Variants in CNGB1 observed in about 807,000 individuals in gnomAD.
CNGB1 encodes cyclic nucleotide gated channel subunit beta 1, also known as cyclic nucleotide-gated channel beta-1.
CNGB1 carries 126 observed loss-of-function variants against 151.7 expected under a neutral mutation model. That is an observed-to-expected ratio of 0.83 (90% CI 0.72 to 0.96). CNGB1 has a LOEUF of 0.96. Among genes scored for constraint, CNGB1 ranks in the 40% least tolerant of loss-of-function variants. The probability of loss-of-function intolerance (pLI) is 0.00; values close to 1 mark genes in which losing one functional copy is unlikely to be tolerated. For synonymous variants in CNGB1, 623 were observed against 635.1 expected (o/e 0.98, Z 0.29); for missense variants, 1,698 against 1,627.0 (o/e 1.04, Z -0.75).
At chr16:57,904,084 G>C in intron 26 of CNGB1, 103 bp from the exon 27 acceptor site, 1 of 1,073,832 alleles carries the variant, frequency 9.3e-7, no homozygotes, top group Non-Finnish European at 1.4e-6. Flanking sequence ...CCACGGGCAT[G>C]TGCTCCTGGC....
At chr16:57,929,258 A>G (rs1047376025) in intron 17 of CNGB1, among the ~76,000 whole-genome samples, 2 of 152,200 alleles carry the variant, frequency 1.3e-5, no homozygotes, top group Non-Finnish European at 2.9e-5. Flanking sequence ...CGACATCACT[A>G]ATCGTTGGGT....
At position 57,915,237 on chromosome 16, in the gene CNGB1, C is replaced by A; in HGVS notation, c.2304+12G>T. ...AGCTGAAGGCCTGGGGTGGTGGGCC[C>A]AGCAGTCCTACCTTTAAACAGCGGG... On this transcript the variant is annotated intron_variant, in intron 23 of 32. Coordinates refer to ENST00000251102, the MANE Select transcript of CNGB1 (RefSeq NM_001297.5). 3 of 1,609,788 alleles carry A rather than the reference C, an allele frequency of 1.9e-6. No homozygotes were observed. The highest frequency in any genetic ancestry group is 2.5e-6 in the Non-Finnish European group (3 of 1,176,706).
intron 10 of CNGB1, 139 bp downstream of exon 10, chr16:57,959,749 C>T (rs1015865900): frequency 2.3e-4 from 253 of 1,080,746 alleles, no homozygotes; most frequent in Non-Finnish European, 3.0e-4. Context: ...GGGCACGAAG[C>T]TGATGTGGCT....
Position 57,901,553 on chromosome 16 carries a change from ATGT to A in CNGB1, c.2864_2866del (p.Asn955del). The A allele has an allele frequency of 6.2e-7, 1 of 1,614,082 alleles. No homozygotes were observed. The highest frequency in any genetic ancestry group is 8.5e-7 in the Non-Finnish European group (1 of 1,179,998). On this transcript the variant is annotated inframe_deletion, in exon 28 of 33. Coordinates refer to ENST00000251102, the MANE Select transcript of CNGB1 (RefSeq NM_001297.5). ...CTGAAAGAGTGCGACTTTGCTAACG[ATGT>A]TGTAGTTCACGTCGATGGCGAGGTC... is the stretch of plus-strand genomic sequence containing the variant.
At chr16:57,894,214 CA>C (rs761997580) in intron 31 of CNGB1, among the ~76,000 whole-genome samples, 1 of 152,190 alleles carries the variant, frequency 6.6e-6, no homozygotes, top group Non-Finnish European at 1.5e-5. Flanking sequence ...CACTGATAGA[CA>C]ATGATTTCCG....
intron 27 of CNGB1, 119 bp from the exon 28 acceptor site, chr16:57,901,744 C>T (rs1192126316): frequency 1.3e-5 from 10 of 792,100 alleles, no homozygotes; most frequent in Non-Finnish European, 2.2e-5. Context: ...CCGCATGGAA[C>T]CACTCTGGAT....
chr16:57,909,638 C>T (rs551450749), intron 25 of CNGB1, among the ~76,000 whole-genome samples: 44 of 152,296 alleles, frequency 2.9e-4, no homozygotes, highest in Admixed American at 6.5e-4. Flanking sequence ...ATCTGCCCAC[C>T]TTGGCCTCCC....
At chr16:57,912,238 C>A (rs1486013884) in intron 24 of CNGB1, among the ~76,000 whole-genome samples, 2 of 152,168 alleles carry the variant, frequency 1.3e-5, no homozygotes, top group Non-Finnish European at 2.9e-5. Context: ...CCTGGCTGGT[C>A]TTGCACCTCA....
intron 2 of CNGB1, 131 bp downstream of exon 2, chr16:57,966,997 C>T: frequency 3.1e-6 from 4 of 1,296,862 alleles, no homozygotes; most frequent in Non-Finnish European, 4.3e-6. Flanking sequence ...GTGTGGGACC[C>T]TGTGACCCCC....
Position 57,916,149 on chromosome 16 carries a change from G to A in CNGB1, c.2197C>T (p.Leu733=), listed in dbSNP as rs370180993. ...CACACCTTGAAGCGGCGAGACTTCA[G>A]GTAGTTATTTCGCATGTCCTTTTTG... ...TDKKDMRNNY[L]KSRRFKMDLL... The change falls in exon 22 of 33, where the codon CTG becomes TTG. Residue 733 remains leucine (L), a synonymous_variant. Coordinates refer to ENST00000251102, the MANE Select transcript of CNGB1 (RefSeq NM_001297.5). 12 of 1,614,086 alleles carry A rather than the reference G, an allele frequency of 7.4e-6. No individual in the cohort carries two copies. In the African/African-American group the frequency reaches 1.5e-4, roughly 20 times the overall value.
In CNGB1 at chr16:57,921,125, C is replaced by T. The variant is rs536135800; in HGVS notation, c.1644-581G>A. On this transcript the variant is annotated intron_variant, in intron 18 of 32. Coordinates refer to ENST00000251102, the MANE Select transcript of CNGB1 (RefSeq NM_001297.5). ...TTGCTGAGCTGAATATCTTTTTTAT[C>T]TTTTTTTTTTTCATACATTAGGACA... 2.1e-5 allele frequency among the ~76,000 whole-genome samples: 3 copies of T among 142,652 alleles called. No individual in the cohort carries two copies. The East Asian group carries it at 6.2e-4, about 29-fold the overall frequency. 93.6% of individuals were successfully genotyped at this position (142,652 alleles called of 152,430 possible). A position where few individuals can be genotyped will look rare whatever the true frequency, so the allele number is the denominator to read the frequency against.
At chr16:57,944,883 G>A (rs139803348) in intron 14 of CNGB1, among the ~76,000 whole-genome samples, 1 of 147,992 alleles carries the variant, frequency 6.8e-6, no homozygotes, top group Non-Finnish European at 1.5e-5. Context: ...GAACCCAGGA[G>A]GCAGAGATTG....
At chr16:57,954,941 G>T (rs1296827817) in intron 12 of CNGB1, 6 of 1,061,984 alleles carry the variant, frequency 5.6e-6, no homozygotes, top group African/African-American at 3.3e-5. Context: ...TAGAGACAGG[G>T]TCTCACTGTG....
chr16:57,892,029 G>T (rs952923505), intron 31 of CNGB1, among the ~76,000 whole-genome samples: 2 of 147,530 alleles, frequency 1.4e-5, no homozygotes, highest in Non-Finnish European at 3.0e-5. Context: ...ATGCTGGGGG[G>T]CCATTTTAAA....
chr16:57,898,633 C>T (rs1960299385), intron 29 of CNGB1, among the ~76,000 whole-genome samples: 1 of 152,204 alleles, frequency 6.6e-6, no homozygotes, highest in Admixed American at 6.5e-5. Flanking sequence ...CCAGGCTGGT[C>T]TCGAACTCCT....
intron 3 of CNGB1, 42 bp downstream of exon 3, chr16:57,964,445 C>A (rs1555494342): frequency 1.2e-6 from 2 of 1,608,928 alleles, no homozygotes; most frequent in South Asian, 2.2e-5. Context: ...AGAATGCGGG[C>A]CCCCCTGCCA....
At chr16:57,940,200 C>A in intron 15 of CNGB1, 34 bp downstream of exon 15, 2 of 1,541,664 alleles carry the variant, frequency 1.3e-6, no homozygotes, top group Non-Finnish European at 1.8e-6. Context: ...CCAAGCCAGG[C>A]CTCAGAGGTG....
chr16:57,958,597 T>C, intron 10 of CNGB1, 112 bp from the exon 11 acceptor site: 1 of 916,614 alleles, frequency 1.1e-6, no homozygotes, highest in South Asian at 1.4e-5. Flanking sequence ...AGGCAGAGCC[T>C]GCCAGGAGCC....
rs1289832790 is a variant in CNGB1, at chr16:57,958,369, C to T, written c.837+41G>A. 3.2e-6 allele frequency: 5 copies of T among 1,582,880 alleles called. No individual in the cohort carries two copies. In the Admixed American group the frequency reaches 5.0e-5, roughly 16 times the overall value. On this transcript the variant is annotated intron_variant, in intron 11 of 32. Coordinates refer to ENST00000251102, the MANE Select transcript of CNGB1 (RefSeq NM_001297.5). ...TTACCCAAGTTCCCAAGACCCCTCC[C>T]ACCACCACCAGGGCCACCACTCCAT...
Sources: gnomAD v4.1 joint callset for allele counts (sites outside exome capture counted in the v4.1 genomes callset) on GRCh38, gnomAD v4.1.1 for gene constraint, MANE v1.5 for transcripts, NCBI Gene and HGNC (gene_info 2026-07-23, HGNC 2026-07-21) for gene names.